The following MYO18B variants were observed in gnomAD, a reference collection of about 807,000 sequenced individuals.
MYO18B encodes unconventional myosin-XVIIIb.
A neutral mutation model predicts 273.0 loss-of-function variants in MYO18B; 204 were observed. The ratio of observed to expected loss-of-function variants is 0.75; its 90% CI spans 0.67 to 0.84. The LOEUF (loss-of-function observed/expected upper bound fraction) is 0.84. MYO18B is among the 40% of genes least tolerant of loss of function. The pLI is 0.00. For synonymous variants in MYO18B, 1,330 were observed against 1,305.7 expected (o/e 1.02, Z -0.40); for missense variants, 3,212 against 3,287.6 (o/e 0.98, Z 0.56).
At chr22:26,038,251 G>A in the MYO18B span, among the ~76,000 whole-genome samples, 1 of 152,150 alleles carries the variant, frequency 6.6e-6, no homozygotes, top group Admixed American at 6.5e-5. Context: ...TGGTCTCAAA[G>A]ATTTAGGTCT....
the MYO18B span, among the ~76,000 whole-genome samples, chr22:26,046,466 C>G: frequency 9.1e-4 from 138 of 152,306 alleles, no homozygotes; most frequent in Admixed American, 1.7e-3. Flanking sequence ...CCTTACATTT[C>G]TTCAACTTCT....
chr22:26,001,147 G>A (rs1301839551), intron 40 of MYO18B, among the ~76,000 whole-genome samples: 1 of 152,050 alleles, frequency 6.6e-6, no homozygotes, highest in Non-Finnish European at 1.5e-5. Context: ...TGCAGTGTTG[G>A]GTCATGCCTG....
At chr22:25,983,050 T>G (rs184679872) in intron 39 of MYO18B, among the ~76,000 whole-genome samples, 12 of 152,334 alleles carry the variant, frequency 7.9e-5, no homozygotes, top group African/African-American at 2.9e-4. Flanking sequence ...TCTGTAATCC[T>G]GCACTTGATT....
chr22:25,907,062 A>G (rs1261330185), intron 31 of MYO18B, among the ~76,000 whole-genome samples: 1 of 152,204 alleles, frequency 6.6e-6, no homozygotes, highest in Non-Finnish European at 1.5e-5. Flanking sequence ...AGATAAAGGA[A>G]AGCTTCAAAG....
chr22:25,820,751 A>G (rs2089245208), intron 12 of MYO18B, among the ~76,000 whole-genome samples: 1 of 152,134 alleles, frequency 6.6e-6, no homozygotes, highest in African/African-American at 2.4e-5. Context: ...CTACAATGCT[A>G]TAGAACACTA....
At chr22:26,043,511 CTTTT>C in the MYO18B span, among the ~76,000 whole-genome samples, 1 of 122,998 alleles carries the variant, frequency 8.1e-6, no homozygotes, top group Non-Finnish European at 1.7e-5. Flanking sequence ...TTTTTTCTTT[CTTTT>C]TTTTTTTTTT....
chr22:25,790,214 C>T lies in MYO18B; in HGVS notation c.2376+4723C>T, dbSNP rs182304690. On this transcript the variant is annotated intron_variant, in intron 11 of 43. Coordinates refer to ENST00000335473, the MANE Select transcript of MYO18B (RefSeq NM_032608.7). ...AATGACCAGACATTCATGGAGGGGA[C>T]GTGGTTCACCGAACTGCTGTTTCCC... is the stretch of plus-strand genomic sequence containing the variant. 4.2e-3 allele frequency among the ~76,000 whole-genome samples: 641 copies of T among 152,310 alleles called. 2 individuals are homozygous for T. The highest frequency in any genetic ancestry group is 8.9e-3 in the South Asian group (43 of 4,826).
chr22:25,905,868 G>A (rs951090169), intron 31 of MYO18B, among the ~76,000 whole-genome samples: 5 of 151,782 alleles, frequency 3.3e-5, no homozygotes, highest in African/African-American at 7.3e-5. Flanking sequence ...CATGGATGAC[G>A]GTGCAGTGCC....
At chr22:26,048,096 C>A in the MYO18B span, among the ~76,000 whole-genome samples, 5 of 152,200 alleles carry the variant, frequency 3.3e-5, no homozygotes, top group African/African-American at 1.2e-4. Context: ...TTACTTTAGT[C>A]CCCACTCACT....
Position 25,883,913 on chromosome 22 carries a change from TG to T in MYO18B, c.4314+5869del, listed in dbSNP as rs1290833198. ...ATGCAAAATGTGCCTTGATGCAAAC[TG>T]GGGTTTTTTTATTTTCATAAGAAGG... On this transcript the variant is annotated intron_variant, in intron 25 of 43. Coordinates refer to ENST00000335473, the MANE Select transcript of MYO18B (RefSeq NM_032608.7). This position sits in a 1 kb window ranked among gnomAD's most constrained non-coding sequence, Gnocchi z 7.6. 6.6e-6 allele frequency among the ~76,000 whole-genome samples: 1 copy of T among 152,148 alleles called. No individual in the cohort carries two copies. The highest frequency in any genetic ancestry group is 6.5e-5 in the Admixed American group (1 of 15,286).
At chr22:26,025,458 C>G (rs540542025) in intron 42 of MYO18B, among the ~76,000 whole-genome samples, 72 of 152,162 alleles carry the variant, frequency 4.7e-4, no homozygotes, top group Non-Finnish European at 7.5e-4. Context: ...GTTACAGTTC[C>G]AGCAACAAAG....
intron 30 of MYO18B, 84 bp from the exon 31 acceptor site, chr22:25,903,547 C>A: frequency 7.2e-7 from 1 of 1,396,832 alleles, no homozygotes; most frequent in South Asian, 1.4e-5. Context: ...CCACTCCAGC[C>A]CCAGTTGGTT....
Position 25,910,946 on chromosome 22 carries a change from C to T in MYO18B, c.5260C>T (p.Leu1754Phe). Residue 1754 changes from leucine (L) to phenylalanine (F), a missense_variant and splice_region_variant, in exon 33 of 44, where the codon CTT becomes TTT. Leu to Phe is a conservative substitution (Grantham distance 22). Transcript: ENST00000335473. The part of the protein sequence containing the change: ...EDVRQSCQKR[L>F]HQLEMQLEQE... The stretch of plus-strand genomic sequence containing the variant: ...ATGTTTCTTCCCTGTGTATCCACAG[C>T]TTCATCAGCTGGAAATGCAGCTGGA... 6.3e-7 allele frequency: 1 copy of T among 1,584,948 alleles called. No individual in the cohort carries two copies. The highest frequency in any genetic ancestry group is 8.6e-7 in the Non-Finnish European group (1 of 1,165,004).
At chr22:25,862,447 G>A (rs894054395) in intron 21 of MYO18B, among the ~76,000 whole-genome samples, 2 of 152,164 alleles carry the variant, frequency 1.3e-5, no homozygotes, top group Non-Finnish European at 2.9e-5. Flanking sequence ...AATTACGTGT[G>A]ATATGATACC....
intron 10 of MYO18B, among the ~76,000 whole-genome samples, chr22:25,783,417 G>T (rs1388939349): frequency 5.9e-5 from 9 of 152,248 alleles, no homozygotes; most frequent in Admixed American, 5.9e-4. Flanking sequence ...AGGTAGGTGG[G>T]CCCTGAACAT....
Position 25,893,287 on chromosome 22 carries a change from C to G in MYO18B, c.4544-1869C>G, listed in dbSNP as rs144765313. ...TTTGTGATATGCACTCAGCGTGGAG[C>G]TGGACACTGTGGGGGTTACAGAGGG... On this transcript the variant is annotated intron_variant, in intron 27 of 43. Coordinates refer to ENST00000335473, the MANE Select transcript of MYO18B (RefSeq NM_032608.7). Among the ~76,000 whole-genome samples, 213 of 152,296 alleles carry G rather than the reference C, an allele frequency of 1.4e-3. 1 individual carries two copies. Among genetic ancestry groups the G allele is most frequent in the African/African-American group, 4.9e-3 (202 of 41,576 alleles).
intron 17 of MYO18B, among the ~76,000 whole-genome samples, chr22:25,838,824 T>C (rs1317118467): frequency 6.6e-6 from 1 of 152,140 alleles, no homozygotes; most frequent in Non-Finnish European, 1.5e-5. Context: ...TGTGTGTATG[T>C]GTGTATGTCT....
intron 21 of MYO18B, among the ~76,000 whole-genome samples, chr22:25,862,365 G>GA (rs1225350258): frequency 6.6e-5 from 10 of 151,930 alleles, no homozygotes; most frequent in Admixed American, 5.2e-4. Context: ...GGAAGCAAAG[G>GA]AAAAAAATGA....
At chr22:25,851,248 G>A (rs1290823628) in intron 20 of MYO18B, among the ~76,000 whole-genome samples, 3 of 152,146 alleles carry the variant, frequency 2.0e-5, no homozygotes, top group African/African-American at 4.8e-5. Flanking sequence ...GCATTTTATA[G>A]GGTTCGTGTT....
Sources: allele counts gnomAD v4.1 joint callset (sites outside exome capture counted in the v4.1 genomes callset), GRCh38; gene constraint gnomAD v4.1.1; non-coding constraint Gnocchi (gnomAD v3.1); transcripts MANE v1.5; gene names NCBI Gene and HGNC (gene_info 2026-07-23, HGNC 2026-07-21).